CBFB: variants seen among roughly 807,000 people sequenced by gnomAD.
CBFB encodes the protein core-binding factor subunit beta, also known as CBF-beta.
In CBFB, 9 loss-of-function variants were observed where a neutral mutation model predicts 30.4. The observed-to-expected ratio is 0.30, with a 90% confidence interval of 0.18 to 0.52. CBFB has a LOEUF of 0.52. Ranked by LOEUF, CBFB falls within the 20% of genes least tolerant of loss-of-function variation. The pLI, the probability that CBFB is intolerant of heterozygous loss-of-function variation, is 0.97. For missense variants in CBFB, 170 were observed against 244.0 expected (o/e 0.70, Z 2.02); for synonymous variants, 94 against 84.0 (o/e 1.12, Z -0.65).
At chr16:67,030,653 A>G (rs942184337) in intron 2 of CBFB, among the ~76,000 whole-genome samples, 3 of 152,120 alleles carry the variant, frequency 2.0e-5, no homozygotes, top group Admixed American at 6.5e-5. Flanking sequence ...AGGCTGGAGT[A>G]CAGTGGCTCG....
intron 4 of CBFB, among the ~76,000 whole-genome samples, chr16:67,067,474 C>T (rs1003204522): frequency 2.0e-5 from 3 of 152,140 alleles, no homozygotes; most frequent in Admixed American, 6.5e-5. Context: ...GCCGAGATTG[C>T]GCTACTGCAC....
chr16:67,029,273 G>C lies in CBFB; in HGVS notation c.-135G>C, dbSNP rs2145701685. ...CTCCCCGGAACGGGAGCCCACGCGG[G>C]CGGGCGCCTGAAACAAAGGGAAGCG... On this transcript the variant is annotated 5_prime_UTR_variant, in exon 1 of 6. Transcript: ENST00000412916. 3 of 488,930 alleles carry C rather than the reference G, an allele frequency of 6.1e-6. No homozygotes were observed. In the East Asian group the frequency reaches 1.3e-4, roughly 21 times the overall value. The allele number at this position is 488,930 out of a possible 1,614,324, so 30.3% of individuals were successfully genotyped here.
chr16:67,095,183 C>T (rs1962004507), intron 5 of CBFB, among the ~76,000 whole-genome samples: 1 of 125,730 alleles, frequency 8.0e-6, no homozygotes, highest in Non-Finnish European at 1.6e-5. Context: ...GCACTCCAGC[C>T]TAGGCAACAA....
chr16:67,096,699 G>T (rs988818267), intron 5 of CBFB, among the ~76,000 whole-genome samples: 1 of 151,970 alleles, frequency 6.6e-6, no homozygotes, highest in Non-Finnish European at 1.5e-5. Context: ...TCTGGGCCGG[G>T]CGCGGTGGCT....
At chr16:67,078,615 C>A (rs1008623072) in intron 4 of CBFB, among the ~76,000 whole-genome samples, 1 of 152,082 alleles carries the variant, frequency 6.6e-6, no homozygotes, top group Non-Finnish European at 1.5e-5. Context: ...CAAATATCTC[C>A]TGGCTTATTT....
At chr16:67,045,095 T>TTATATA (rs59081635) in intron 3 of CBFB, among the ~76,000 whole-genome samples, 1 of 149,780 alleles carries the variant, frequency 6.7e-6, no homozygotes, top group South Asian at 2.1e-4. Context: ...AACTGCAAGC[T>TTATATA]TATATATATA....
At chr16:67,039,448 A>G (rs868673893) in intron 3 of CBFB, among the ~76,000 whole-genome samples, 3 of 152,212 alleles carry the variant, frequency 2.0e-5, no homozygotes, top group Non-Finnish European at 4.4e-5. Context: ...ATATAAACAT[A>G]GTATGCTTAG....
intron 4 of CBFB, among the ~76,000 whole-genome samples, chr16:67,072,234 T>C (rs1961242886): frequency 6.6e-6 from 1 of 152,206 alleles, no homozygotes; most frequent in East Asian, 1.9e-4. Context: ...CCTAGAAAAA[T>C]TGTTTCATTC....
chr16:67,078,445 C>T (rs925250506), intron 4 of CBFB, among the ~76,000 whole-genome samples: 2 of 152,078 alleles, frequency 1.3e-5, no homozygotes, highest in Non-Finnish European at 2.9e-5. Context: ...ACTTGGGAGC[C>T]TGAAGCAGGA....
chr16:67,053,950 G>A (rs1314365127), intron 3 of CBFB, among the ~76,000 whole-genome samples: 3 of 151,080 alleles, frequency 2.0e-5, no homozygotes, highest in Non-Finnish European at 4.4e-5. Flanking sequence ...CAGCTCAAAT[G>A]AGTGTCCTTA....
At chr16:67,080,628 G>A (rs1163720995) in intron 4 of CBFB, among the ~76,000 whole-genome samples, 1 of 152,182 alleles carries the variant, frequency 6.6e-6, no homozygotes, top group African/African-American at 2.4e-5. Flanking sequence ...AGACAGATTT[G>A]TTATATGTTA....
chr16:67,067,337 A>G (rs746642268), intron 4 of CBFB, among the ~76,000 whole-genome samples: 2 of 152,104 alleles, frequency 1.3e-5, no homozygotes, highest in African/African-American at 4.8e-5. Context: ...GGCCATCATG[A>G]TGAAACCCCA....
At chr16:67,031,070 T>C (rs1966335042) in intron 2 of CBFB, among the ~76,000 whole-genome samples, 1 of 152,244 alleles carries the variant, frequency 6.6e-6, no homozygotes, top group South Asian at 2.1e-4. Context: ...ACCAGTTTAT[T>C]TTTATTCAGA....
intron 5 of CBFB, among the ~76,000 whole-genome samples, chr16:67,087,377 A>G (rs1961761567): frequency 6.6e-6 from 1 of 151,912 alleles, no homozygotes; most frequent in Non-Finnish European, 1.5e-5. Flanking sequence ...GCAACACAGC[A>G]AGACTTTGTC....
At chr16:67,081,912 C>T in intron 4 of CBFB, among the ~76,000 whole-genome samples, 1 of 150,622 alleles carries the variant, frequency 6.6e-6, no homozygotes, top group Non-Finnish European at 1.5e-5. Flanking sequence ...CCTTCACCTC[C>T]TGGGTTTTAA....
chr16:67,029,829 C>A lies in CBFB; in HGVS notation c.165+16C>A, dbSNP rs755319996. On this transcript the variant is annotated intron_variant, in intron 2 of 5. Coordinates refer to ENST00000412916, the MANE Select transcript of CBFB (RefSeq NM_022845.3). ...CTCGGAAATCGTAAGTCGGCTGGCC[C>A]GGGGCGCGCGCGGGTCACTTGTTGC... is the stretch of plus-strand genomic sequence containing the variant. 1.3e-6 allele frequency: 2 copies of A among 1,566,094 alleles called. No homozygotes were observed. Among genetic ancestry groups the A allele is most frequent in the Non-Finnish European group, 8.6e-7 (1 of 1,156,544 alleles).
At chr16:67,095,892 A>G (rs1962033351) in intron 5 of CBFB, among the ~76,000 whole-genome samples, 1 of 151,438 alleles carries the variant, frequency 6.6e-6, no homozygotes, top group Non-Finnish European at 1.5e-5. Context: ...GGGTTTCGCC[A>G]TGTTGGCCAG....
intron 4 of CBFB, chr16:67,067,025 G>T (rs933998664): frequency 3.2e-6 from 1 of 308,762 alleles, no homozygotes. Context: ...CTGCTCAGTG[G>T]GTGCTTCAAA....
At chr16:67,066,568 A>G (rs1961066699) in intron 3 of CBFB, 114 bp from the exon 4 acceptor site, 3 of 547,382 alleles carry the variant, frequency 5.5e-6, no homozygotes, top group South Asian at 3.9e-5. Context: ...TCAATCAATC[A>G]GTCAATCATA....
Sources: gnomAD v4.1 joint callset for allele counts (sites outside exome capture counted in the v4.1 genomes callset) on GRCh38, gnomAD v4.1.1 for gene constraint, MANE v1.5 for transcripts, NCBI Gene and HGNC (gene_info 2026-07-23, HGNC 2026-07-21) for gene names.